Variants in PPM1L observed in about 807,000 individuals in gnomAD.
PPM1L encodes the protein protein phosphatase 1L.
In PPM1L, 13 loss-of-function variants were observed where a neutral mutation model predicts 31.4. That is an observed-to-expected ratio of 0.41 (90% CI 0.27 to 0.66). The LOEUF is 0.66. Ranked by LOEUF, PPM1L falls within the 30% of genes least tolerant of loss-of-function variation. PPM1L has a pLI of 0.29. For missense variants in PPM1L, 326 were observed against 453.7 expected (o/e 0.72, Z 2.56); for synonymous variants, 184 against 175.4 (o/e 1.05, Z -0.39).
At chr3:160,995,389 C>T (rs1432304302) in intron 2 of PPM1L, among the ~76,000 whole-genome samples, 3 of 152,074 alleles carry the variant, frequency 2.0e-5, no homozygotes, top group African/African-American at 7.2e-5. Context: ...GGCACAATCT[C>T]GACTTACTGC....
chr3:160,849,056 C>T (rs1324221480), intron 1 of PPM1L, among the ~76,000 whole-genome samples: 2 of 152,132 alleles, frequency 1.3e-5, no homozygotes, highest in African/African-American at 4.8e-5. Flanking sequence ...CACTATCTAG[C>T]CCAGTGACCT....
rs557677467 is a variant in PPM1L, at chr3:160,930,886, GTTCAT to G, written c.400-30845_400-30841del. On this transcript the variant is annotated intron_variant, in intron 1 of 3. Coordinates refer to ENST00000498165, the MANE Select transcript of PPM1L (RefSeq NM_139245.4). ...TTCCATACCTAAGTCTTCATGCCTG[GTTCAT>G]TTCAAGATTACCCCTTGAATTTCTA... is the stretch of plus-strand genomic sequence containing the variant. 3.7e-4 allele frequency among the ~76,000 whole-genome samples: 57 copies of G among 152,258 alleles called. No homozygotes were observed. In the South Asian group the frequency reaches 0.012, roughly 32 times the overall value.
At chr3:160,858,616 G>A (rs993323665) in intron 1 of PPM1L, among the ~76,000 whole-genome samples, 1 of 152,056 alleles carries the variant, frequency 6.6e-6, no homozygotes, top group Non-Finnish European at 1.5e-5. Flanking sequence ...AATAAAAGGT[G>A]GACAGTTTCA....
chr3:160,972,933 C>T (rs1243431983), intron 2 of PPM1L, among the ~76,000 whole-genome samples: 2 of 151,918 alleles, frequency 1.3e-5, no homozygotes, highest in Non-Finnish European at 2.9e-5. Context: ...TTTTGATTTG[C>T]ATTTCTCTGA....
chr3:160,903,189 GT>G lies in PPM1L; in HGVS notation c.400-58546del, dbSNP rs1713609520. ...AGTGTGTGTGTGTGTGTGTGTGTGTGTGTGGTATGTGTGTATGTTTGTGTGT... is the reference window on the plus strand; with the variant it reads ...AGTGTGTGTGTGTGTGTGTGTGTGTGGTGGTATGTGTGTATGTTTGTGTGT... On this transcript the variant is annotated intron_variant, in intron 1 of 3. Transcript: ENST00000498165. Among the ~76,000 whole-genome samples the G allele has an allele frequency of 6.5e-5, 9 of 138,840 alleles. No homozygotes were observed. In the South Asian group the frequency reaches 2.1e-3, roughly 32 times the overall value. 91.1% of individuals were successfully genotyped at this position (138,840 alleles called of 152,430 possible). A position where few individuals can be genotyped will look rare whatever the true frequency, so the allele number is the denominator to read the frequency against.
chr3:160,773,527 A>G (rs1711502466), intron 1 of PPM1L, among the ~76,000 whole-genome samples: 1 of 152,344 alleles, frequency 6.6e-6, no homozygotes, highest in East Asian at 1.9e-4. Context: ...AGGAGGGTAG[A>G]AAAGAAAGAT....
At chr3:160,923,603 A>G (rs1289928580) in intron 1 of PPM1L, among the ~76,000 whole-genome samples, 2 of 152,224 alleles carry the variant, frequency 1.3e-5, no homozygotes, top group Non-Finnish European at 2.9e-5. Context: ...GTCACATCAA[A>G]GAATATTGAA....
At chr3:160,897,950 A>C (rs933512804) in intron 1 of PPM1L, among the ~76,000 whole-genome samples, 1 of 152,224 alleles carries the variant, frequency 6.6e-6, no homozygotes, top group Non-Finnish European at 1.5e-5. Context: ...CATTAGTACC[A>C]ACAAAATGGA....
At chr3:160,761,916 G>C (rs1714978590) in intron 1 of PPM1L, among the ~76,000 whole-genome samples, 1 of 152,104 alleles carries the variant, frequency 6.6e-6, no homozygotes, top group Non-Finnish European at 1.5e-5. Context: ...AACAGTATGA[G>C]AATGACCTGC....
intron 1 of PPM1L, among the ~76,000 whole-genome samples, chr3:160,844,600 GAA>G (rs1714014428): frequency 6.6e-6 from 1 of 152,032 alleles, no homozygotes; most frequent in Non-Finnish European, 1.5e-5. Flanking sequence ...TTCTGCAGAG[GAA>G]AAGTTTTTAA....
chr3:161,043,908 T>G (rs551193165), intron 2 of PPM1L, among the ~76,000 whole-genome samples: 1 of 152,314 alleles, frequency 6.6e-6, no homozygotes, highest in African/African-American at 2.4e-5. Flanking sequence ...CTTGTAACTT[T>G]CTTGTTTCTG....
intron 2 of PPM1L, among the ~76,000 whole-genome samples, chr3:161,010,153 TC>T (rs1451947463): frequency 1.3e-5 from 2 of 151,642 alleles, no homozygotes; most frequent in Non-Finnish European, 2.9e-5. Context: ...TCCCTCCTCC[TC>T]CCCCCACCCC....
chr3:160,765,129 T>G (rs1217332671), intron 1 of PPM1L, among the ~76,000 whole-genome samples: 2 of 152,228 alleles, frequency 1.3e-5, no homozygotes, highest in Non-Finnish European at 1.5e-5. Context: ...GATAAGAGTT[T>G]ATGAGGTAGG....
Position 160,961,139 on chromosome 3 carries a change from G to T in PPM1L, c.400-597G>T, listed in dbSNP as rs531029536. ...AGGCATTTAAGTGGTGAAGAGGTTT[G>T]GTTTTGTTTGTTTGTTTGTTTGTTT... On this transcript the variant is annotated intron_variant, in intron 1 of 3. Transcript: ENST00000498165. 3.6e-4 allele frequency among the ~76,000 whole-genome samples: 55 copies of T among 151,808 alleles called. No homozygotes were observed. The East Asian group carries it at 6.4e-3, about 18-fold the overall frequency.
chr3:161,020,605 T>A (rs1427796885), intron 2 of PPM1L, among the ~76,000 whole-genome samples: 1 of 152,188 alleles, frequency 6.6e-6, no homozygotes, highest in Non-Finnish European at 1.5e-5. Flanking sequence ...TTTGGAAAAG[T>A]TTGTGAAGAA....
At chr3:160,804,270 T>C (rs944234423) in intron 1 of PPM1L, among the ~76,000 whole-genome samples, 1 of 152,106 alleles carries the variant, frequency 6.6e-6, no homozygotes, top group African/African-American at 2.4e-5. Context: ...AAAAACCTCC[T>C]CCCTGTCAAA....
chr3:161,046,102 C>T (rs1236829583), intron 2 of PPM1L, among the ~76,000 whole-genome samples: 1 of 78,524 alleles, frequency 1.3e-5, no homozygotes, highest in African/African-American at 6.4e-5. Context: ...CAGAGCGAGA[C>T]TCTGTCTCAA....
intron 1 of PPM1L, among the ~76,000 whole-genome samples, chr3:160,859,350 G>A (rs1711817801): frequency 6.6e-6 from 1 of 152,130 alleles, no homozygotes; most frequent in South Asian, 2.1e-4. Context: ...TAACCTTTAA[G>A]GTCTTTCCAG....
intron 2 of PPM1L, among the ~76,000 whole-genome samples, chr3:161,028,052 C>T (rs1718460928): frequency 1.3e-5 from 2 of 152,114 alleles, no homozygotes; most frequent in Admixed American, 1.3e-4. Flanking sequence ...AGGAATCAGA[C>T]CCAAAACCTG....
Sources: gnomAD v4.1 joint callset for allele counts (sites outside exome capture counted in the v4.1 genomes callset) on GRCh38, gnomAD v4.1.1 for gene constraint, MANE v1.5 for transcripts, NCBI Gene and HGNC (gene_info 2026-07-23, HGNC 2026-07-21) for gene names.